Variants in B4GALT5 observed in about 807,000 individuals in gnomAD.
B4GALT5 encodes the protein beta-1,4-galactosyltransferase 5, also known as UDP-Gal:beta-GlcNAc beta-1,4-galactosyltransferase 5.
A neutral mutation model predicts 45.0 loss-of-function variants in B4GALT5; 11 were observed. The ratio of observed to expected loss-of-function variants is 0.24; its 90% CI spans 0.15 to 0.40. The LOEUF (loss-of-function observed/expected upper bound fraction) is 0.40. B4GALT5 is among the 10% of genes least tolerant of loss of function. B4GALT5 has a pLI of 1.00. For missense variants in B4GALT5, 337 were observed against 500.2 expected (o/e 0.67, Z 3.11); for synonymous variants, 185 against 182.9 (o/e 1.01, Z -0.09).
intron 1 of B4GALT5, among the ~76,000 whole-genome samples, chr20:49,663,063 G>C (rs1361214762): frequency 2.6e-5 from 4 of 152,200 alleles, no homozygotes; most frequent in African/African-American, 7.2e-5. Flanking sequence ...GCACCCACGT[G>C]AATGAATCTC....
rs1254655635 is a variant in B4GALT5, at chr20:49,646,991, G to A, written c.338C>T (p.Thr113Ile). The A allele has an allele frequency of 1.9e-6, 3 of 1,613,652 alleles. No individual in the cohort carries two copies. The African/African-American group carries it at 4.0e-5, about 22-fold the overall frequency. ...PEDFTYFANH[T>I]CPERLPSMKG... ...CATGGAAGGGAGTCTTTCAGGGCAG[G>A]TATGGTTTGCAAAGTAGGTGAAGTC... Residue 113 changes from threonine to isoleucine, a missense_variant, in exon 3 of 9, where the codon ACC becomes ATC. Thr to Ile is a moderately conservative substitution (Grantham distance 89). This residue lies in a region of B4GALT5 where 174 missense variants were observed against 207.4 expected (regional missense o/e 0.84). Transcript: ENST00000371711.
At chr20:49,645,794 T>C (rs1025576307) in intron 3 of B4GALT5, among the ~76,000 whole-genome samples, 1 of 152,028 alleles carries the variant, frequency 6.6e-6, no homozygotes. Flanking sequence ...GAGTACATTA[T>C]ACTAGATAAT....
chr20:49,685,277 C>T (rs1425892585), intron 1 of B4GALT5, among the ~76,000 whole-genome samples: 1 of 152,126 alleles, frequency 6.6e-6, no homozygotes, highest in Admixed American at 6.5e-5. Flanking sequence ...TCCATGTTGC[C>T]GTCTCTAAAA....
At chr20:49,707,957 C>T (rs938791417) in intron 1 of B4GALT5, among the ~76,000 whole-genome samples, 129 of 148,836 alleles carry the variant, frequency 8.7e-4, no homozygotes, top group African/African-American at 3.1e-3. Context: ...TGGCCGGGCA[C>T]GGTGGCTCAC....
At position 49,633,886 on chromosome 20, in the gene B4GALT5, G is replaced by T. The variant is rs1461923111; in HGVS notation, c.*2426C>A. 1 of 152,644 alleles carries T rather than the reference G, an allele frequency of 6.6e-6. No homozygotes were observed. The highest frequency in any genetic ancestry group is 2.4e-5 in the African/African-American group (1 of 41,416). The allele number at this position is 152,644 out of a possible 1,614,324, so 9.5% of individuals were successfully genotyped here. A position where few individuals can be genotyped will look rare whatever the true frequency, so the allele number is the denominator to read the frequency against. ...AGCCTTCAGTGAGGAAAGGGGAGAG[G>T]AGAATGAGAAGGGGAGAAAAGCCAA... is the stretch of plus-strand genomic sequence containing the variant. On this transcript the variant is annotated 3_prime_UTR_variant, in exon 9 of 9. Transcript: ENST00000371711.
At chr20:49,703,152 C>T (rs1277549807) in intron 1 of B4GALT5, among the ~76,000 whole-genome samples, 1 of 120,436 alleles carries the variant, frequency 8.3e-6, no homozygotes, top group African/African-American at 3.2e-5. Flanking sequence ...CCAGCCTGGG[C>T]GAGACTCCGT....
Position 49,642,552 on chromosome 20 carries a change from G to A in B4GALT5, c.522C>T (p.His174=), listed in dbSNP as rs774118735. The part of the protein sequence containing the change: ...VAILIPFRNR[H]EHLPVLFRHL... Reference sequence around the variant, plus strand: ...GTCTGAACAGGACTGGGAGGTGCTCGTGGCGGTTCCGGAAGGGGATAAGGA... The same window carrying A: ...GTCTGAACAGGACTGGGAGGTGCTCATGGCGGTTCCGGAAGGGGATAAGGA... Residue 174 remains histidine (H), a synonymous_variant, in exon 5 of 9, where the codon CAC becomes CAT. Transcript: ENST00000371711. 1.2e-5 allele frequency: 19 copies of A among 1,614,120 alleles called. No individual in the cohort carries two copies. Among genetic ancestry groups the A allele is most frequent in the Non-Finnish European group, 1.6e-5 (19 of 1,179,986 alleles).
rs66503719 is a variant in B4GALT5 at position 49,683,385 on chromosome 20, A to ATTT, written c.116-26686_116-26684dup. On this transcript the variant is annotated intron_variant, in intron 1 of 8. Transcript: ENST00000371711. ...CTGGAGGAGGGCTAGACAGGTTTAAATTTTTTTTTTTTTTTTTTTTTTTTT... is the reference window on the plus strand; with the variant it reads ...CTGGAGGAGGGCTAGACAGGTTTAAATTTTTTTTTTTTTTTTTTTTTTTTTTTT... 4.6e-3 allele frequency among the ~76,000 whole-genome samples: 440 copies of ATTT among 96,594 alleles called. 5 individuals carry two copies. The highest frequency in any genetic ancestry group is 0.017 in the African/African-American group (412 of 24,480). 63.4% of individuals were successfully genotyped at this position (96,594 alleles called of 152,430 possible). A position where few individuals can be genotyped will look rare whatever the true frequency, so the allele number is the denominator to read the frequency against.
intron 4 of B4GALT5, 83 bp from the exon 5 acceptor site, chr20:49,642,667 C>G: frequency 1.1e-6 from 1 of 920,396 alleles, no homozygotes; most frequent in Non-Finnish European, 1.7e-6. Flanking sequence ...GAATTGCTGA[C>G]CAACCCATGG....
At chr20:49,685,160 C>T (rs746044749) in intron 1 of B4GALT5, among the ~76,000 whole-genome samples, 3 of 152,162 alleles carry the variant, frequency 2.0e-5, no homozygotes, top group Non-Finnish European at 2.9e-5. Flanking sequence ...CACACCACTC[C>T]GCATCAGGTG....
intron 2 of B4GALT5, among the ~76,000 whole-genome samples, chr20:49,654,974 C>T (rs971344770): frequency 2.0e-5 from 3 of 151,892 alleles, no homozygotes; most frequent in African/African-American, 7.3e-5. Context: ...TGTCTACAAA[C>T]AATACAAAAA....
At chr20:49,658,819 G>C (rs985022159) in intron 1 of B4GALT5, among the ~76,000 whole-genome samples, 3 of 152,142 alleles carry the variant, frequency 2.0e-5, no homozygotes, top group Non-Finnish European at 4.4e-5. Flanking sequence ...AATGGTGCTG[G>C]ACTAAGGACC....
intron 1 of B4GALT5, among the ~76,000 whole-genome samples, chr20:49,657,852 G>A (rs529452238): frequency 6.6e-6 from 1 of 152,194 alleles, no homozygotes; most frequent in Non-Finnish European, 1.5e-5. Context: ...AATAATGGAC[G>A]AAGCTTAGAA....
intron 1 of B4GALT5, among the ~76,000 whole-genome samples, chr20:49,660,716 T>C (rs2085661662): frequency 1.3e-5 from 2 of 152,222 alleles, no homozygotes; most frequent in Admixed American, 1.3e-4. Context: ...TTGGGCGCAG[T>C]GGCTCACATC....
At chr20:49,692,798 A>C (rs952300999) in intron 1 of B4GALT5, among the ~76,000 whole-genome samples, 1 of 152,204 alleles carries the variant, frequency 6.6e-6, no homozygotes, top group Non-Finnish European at 1.5e-5. Context: ...AAGTTCAATT[A>C]TGTTTTTGAA....
At chr20:49,658,823 A>G (rs779737445) in intron 1 of B4GALT5, among the ~76,000 whole-genome samples, 3 of 152,210 alleles carry the variant, frequency 2.0e-5, no homozygotes, top group Admixed American at 6.5e-5. Context: ...GTGCTGGACT[A>G]AGGACCACAC....
chr20:49,684,056 G>A (rs894278668), intron 1 of B4GALT5, among the ~76,000 whole-genome samples: 5 of 151,860 alleles, frequency 3.3e-5, no homozygotes, highest in African/African-American at 7.3e-5. Context: ...AGGGAGGATC[G>A]CTTGAACCCA....
Position 49,643,662 on chromosome 20 carries a change from CG to C in B4GALT5, c.365-13del. The stretch of plus-strand genomic sequence containing the variant: ...GTCTATTGGGCCCTCTGAACAGAGA[CG>C]GGGAAAAGGGATTAAGAGGTCAGAA... On this transcript the variant is annotated splice_polypyrimidine_tract_variant and intron_variant, in intron 3 of 8. Coordinates refer to ENST00000371711, the MANE Select transcript of B4GALT5 (RefSeq NM_004776.4). 6.2e-7 allele frequency: 1 copy of C among 1,609,954 alleles called. No homozygotes were observed. Among genetic ancestry groups the C allele is most frequent in the South Asian group, 1.1e-5 (1 of 90,726 alleles).
chr20:49,661,475 TCTGC>T (rs2085664612), intron 1 of B4GALT5, among the ~76,000 whole-genome samples: 1 of 152,224 alleles, frequency 6.6e-6, no homozygotes. Context: ...CCTCAGGTGA[TCTGC>T]CTGCCTTGGC....
Sources: gnomAD v4.1 joint callset for allele counts (sites outside exome capture counted in the v4.1 genomes callset) on GRCh38, gnomAD v4.1.1 for gene constraint, gnomAD v4.1.1 regional missense constraint, MANE v1.5 for transcripts, NCBI Gene and HGNC (gene_info 2026-07-23, HGNC 2026-07-21) for gene names.